The following ELOVL6 variants were observed in gnomAD, a reference collection of about 807,000 sequenced individuals.
ELOVL6 encodes very long chain fatty acid elongase 6.
Under a neutral mutation model 31.7 loss-of-function variants are expected in ELOVL6, and 8 were observed. The ratio of observed to expected loss-of-function variants is 0.25; its 90% CI spans 0.15 to 0.45. The LOEUF is 0.45. Among genes scored for constraint, ELOVL6 ranks in the 20% least tolerant of loss-of-function variants. The probability of loss-of-function intolerance (pLI) is 1.00; values close to 1 mark genes in which losing one functional copy is unlikely to be tolerated. For synonymous variants in ELOVL6, 101 were observed against 117.7 expected, an observed-to-expected ratio of 0.86 and a Z score of 0.92; for missense variants, 126 against 326.4, an observed-to-expected ratio of 0.39 and a Z score of 4.73.
At chr4:110,171,679 C>CT (rs70956406) in intron 1 of ELOVL6, among the ~76,000 whole-genome samples, 1,589 of 66,204 alleles carry the variant, frequency 0.024, 155 homozygotes, top group Non-Finnish European at 0.029. Context: ...ATAATATCCT[C>CT]TTTTTTTTTT....
chr4:110,063,484 A>G (rs947393232), intron 2 of ELOVL6, among the ~76,000 whole-genome samples: 1 of 151,550 alleles, frequency 6.6e-6, no homozygotes, highest in Non-Finnish European at 1.5e-5. Context: ...ATCTCCACAA[A>G]AGGTAACCAT....
chr4:110,117,903 A>AAAAAAAAAAAAAAAAAAAAAAATT lies in ELOVL6; in HGVS notation c.90-12276_90-12275insAATTTTTTTTTTTTTTTTTTTTTT. 3.1e-4 allele frequency: 2 copies of AAAAAAAAAAAAAAAAAAAAAAATT among 6,506 alleles called. 1 individual carries two copies. The highest frequency in any genetic ancestry group is 6.5e-4 in the African/African-American group (2 of 3,066). The allele number at this position is 6,506 out of a possible 1,614,324, so 0.4% of individuals were successfully genotyped here. A position where few individuals can be genotyped will look rare whatever the true frequency, so the allele number is the denominator to read the frequency against. On this transcript the variant is annotated intron_variant, in intron 1 of 3. Transcript: ENST00000302274. ...TCTCAAAAAAAAAAAAAAAAAAAAA[A>AAAAAAAAAAAAAAAAAAAAAAATT]ATATATATATATATATATATATCTC...
chr4:110,124,070 C>CCACGGTAAAGTCTTGA (rs577085896), intron 1 of ELOVL6, among the ~76,000 whole-genome samples: 77 of 152,244 alleles, frequency 5.1e-4, no homozygotes, highest in African/African-American at 1.8e-3. Context: ...TTAGAAGGTA[C>CCACGGTAAAGTCTTGA]CACGGTAAAG....
Position 110,047,114 on chromosome 4 carries a change from C to G in ELOVL6, c.*4224G>C, listed in dbSNP as rs1474713973. On this transcript the variant is annotated 3_prime_UTR_variant, in exon 4 of 4. Coordinates refer to ENST00000302274, the MANE Select transcript of ELOVL6 (RefSeq NM_024090.3). The stretch of plus-strand genomic sequence containing the variant: ...TGGAGAAAGACACTACATTTGACTA[C>G]TGGGACATTCTGGGTGCTTATAAAA... 1 of 152,202 alleles carries G rather than the reference C, an allele frequency of 6.6e-6. No homozygotes were observed. Among genetic ancestry groups the G allele is most frequent in the Non-Finnish European group, 1.5e-5 (1 of 68,034 alleles). 9.4% of individuals were successfully genotyped at this position (152,202 alleles called of 1,614,324 possible).
rs952125715 is a variant in ELOVL6, at chr4:110,049,784, C to T, written c.*1554G>A. 2 of 150,596 alleles carry T rather than the reference C, an allele frequency of 1.3e-5. No individual in the cohort carries two copies. Among genetic ancestry groups the T allele is most frequent in the Non-Finnish European group, 3.0e-5 (2 of 67,776 alleles). The allele number at this position is 150,596 out of a possible 1,614,324, so 9.3% of individuals were successfully genotyped here. The stretch of plus-strand genomic sequence containing the variant: ...TTAACCAATTATAATACTATTATGT[C>T]ACATTGAACAACTTTACATAATTGC... On this transcript the variant is annotated 3_prime_UTR_variant, in exon 4 of 4. Transcript: ENST00000302274.
In ELOVL6 at chr4:110,084,390, A is replaced by G. The variant is rs1490546038; in HGVS notation, c.221+21107T>C. On this transcript the variant is annotated intron_variant, in intron 2 of 3. Transcript: ENST00000302274. Reference sequence around the variant, plus strand: ...ATATGATATATGATATATATCGCATATATGATATATGATATATGACATACA... The same window carrying G: ...ATATGATATATGATATATATCGCATGTATGATATATGATATATGACATACA... Among the ~76,000 whole-genome samples, 12 of 119,358 alleles carry G rather than the reference A, an allele frequency of 1.0e-4. 2 individuals carry two copies. The highest frequency in any genetic ancestry group is 2.0e-4 in the African/African-American group (6 of 30,702). 78.3% of individuals were successfully genotyped at this position (119,358 alleles called of 152,430 possible).
At chr4:110,198,136 G>A in intron 1 of ELOVL6, 111 bp downstream of exon 1, 1 of 618,296 alleles carries the variant, frequency 1.6e-6, no homozygotes, top group Non-Finnish European at 3.0e-6. Context: ...TCAGCTGGCT[G>A]CCCGCGATTC....
intron 1 of ELOVL6, among the ~76,000 whole-genome samples, chr4:110,166,287 C>T (rs755606835): frequency 1.3e-5 from 2 of 152,142 alleles, no homozygotes; most frequent in Non-Finnish European, 2.9e-5. Context: ...GAGACATCAC[C>T]TTTCTTTTCA....
Position 110,049,698 on chromosome 4 carries a change from T to C in ELOVL6, c.*1640A>G, listed in dbSNP as rs2126217914. On this transcript the variant is annotated 3_prime_UTR_variant, in exon 4 of 4. Coordinates refer to ENST00000302274, the MANE Select transcript of ELOVL6 (RefSeq NM_024090.3). ...GTGTGTATGCGTGGCTATGTGCGTGTAATCTATGCAGTGTGGAAGCCCCTA... is the reference window on the plus strand; with the variant it reads ...GTGTGTATGCGTGGCTATGTGCGTGCAATCTATGCAGTGTGGAAGCCCCTA... 1 of 150,976 alleles carries C rather than the reference T, an allele frequency of 6.6e-6. No individual in the cohort carries two copies. Among genetic ancestry groups the C allele is most frequent in the East Asian group, 1.9e-4 (1 of 5,152 alleles). The allele number at this position is 150,976 out of a possible 1,614,324, so 9.4% of individuals were successfully genotyped here.
chr4:110,155,473 G>A (rs1758389123), intron 1 of ELOVL6, among the ~76,000 whole-genome samples: 1 of 151,936 alleles, frequency 6.6e-6, no homozygotes, highest in Admixed American at 6.6e-5. Flanking sequence ...ACTTAAATAG[G>A]TTGTATTACA....
At chr4:110,084,200 G>GATATATATAACATATAACTTATATGAT (rs1560814507) in intron 2 of ELOVL6, among the ~76,000 whole-genome samples, 1 of 66,286 alleles carries the variant, frequency 1.5e-5, no homozygotes, top group Admixed American at 1.6e-4. Flanking sequence ...TAACTTATAT[G>GATATATATAACATATAACTTATATGAT]ATATATATAA....
intron 1 of ELOVL6, among the ~76,000 whole-genome samples, chr4:110,131,454 C>T (rs917173327): frequency 6.6e-6 from 1 of 152,102 alleles, no homozygotes; most frequent in Non-Finnish European, 1.5e-5. Flanking sequence ...AGTAACAAAT[C>T]CAAGTTAATA....
chr4:110,083,445 G>A (rs1317423624), intron 2 of ELOVL6, among the ~76,000 whole-genome samples: 3 of 151,694 alleles, frequency 2.0e-5, no homozygotes, highest in Non-Finnish European at 4.4e-5. Flanking sequence ...CGCTTGGTAC[G>A]AGCCCAGAGG....
chr4:110,130,589 CAT>C (rs1399210921), intron 1 of ELOVL6, among the ~76,000 whole-genome samples: 5 of 152,302 alleles, frequency 3.3e-5, no homozygotes, highest in Admixed American at 6.5e-5. Context: ...CTCCCAGAAA[CAT>C]ATAAGGACAA....
At chr4:110,098,759 G>T (rs189607269) in intron 2 of ELOVL6, among the ~76,000 whole-genome samples, 44 of 152,084 alleles carry the variant, frequency 2.9e-4, no homozygotes, top group African/African-American at 9.4e-4. Flanking sequence ...AATTTTGCTT[G>T]TTACTTCTGC....
At chr4:110,085,775 G>A (rs1437555250) in intron 2 of ELOVL6, among the ~76,000 whole-genome samples, 2 of 152,188 alleles carry the variant, frequency 1.3e-5, no homozygotes, top group Non-Finnish European at 2.9e-5. Flanking sequence ...GTGCAGTGGT[G>A]TGATCTTGGC....
intron 1 of ELOVL6, among the ~76,000 whole-genome samples, chr4:110,194,210 C>T (rs1173788792): frequency 6.6e-6 from 1 of 152,156 alleles, no homozygotes; most frequent in Non-Finnish European, 1.5e-5. Flanking sequence ...AGGTAAAGGC[C>T]AGACATCTCA....
At chr4:110,095,157 T>C (rs1393811329) in intron 2 of ELOVL6, among the ~76,000 whole-genome samples, 3 of 151,990 alleles carry the variant, frequency 2.0e-5, no homozygotes, top group Admixed American at 1.3e-4. Context: ...AGAGGAAGAA[T>C]GGAGAAAGAG....
At chr4:110,160,253 C>T (rs1758594809) in intron 1 of ELOVL6, among the ~76,000 whole-genome samples, 1 of 151,720 alleles carries the variant, frequency 6.6e-6, no homozygotes, top group South Asian at 2.1e-4. Flanking sequence ...TTCACTGGCC[C>T]TCTCCTTGGC....
Sources: gnomAD v4.1 joint callset for allele counts (sites outside exome capture counted in the v4.1 genomes callset) on GRCh38, gnomAD v4.1.1 for gene constraint, MANE v1.5 for transcripts, NCBI Gene and HGNC (gene_info 2026-07-23, HGNC 2026-07-21) for gene names.